ADAMTSL3: variants seen among roughly 807,000 people sequenced by gnomAD.
The protein encoded by ADAMTSL3 is ADAMTS like 3.
In ADAMTSL3, 128 loss-of-function variants were observed where a neutral mutation model predicts 201.7. The observed-to-expected ratio is 0.63, with a 90% confidence interval of 0.55 to 0.73. The LOEUF (loss-of-function observed/expected upper bound fraction) is 0.73. Ranked by LOEUF, ADAMTSL3 falls within the 30% of genes least tolerant of loss-of-function variation. The pLI, the probability that ADAMTSL3 is intolerant of heterozygous loss-of-function variation, is 0.00. For synonymous variants in ADAMTSL3, 738 were observed against 748.4 expected (o/e 0.99, Z 0.23); for missense variants, 1,990 against 2,119.6 (o/e 0.94, Z 1.20).
intron 17 of ADAMTSL3, among the ~76,000 whole-genome samples, chr15:83,938,530 A>T (rs1031417319): frequency 6.6e-6 from 1 of 152,194 alleles, no homozygotes; most frequent in Non-Finnish European, 1.5e-5. Context: ...TAAAGCTGTC[A>T]TTTTAAAAAA....
chr15:83,817,295 A>T (rs1165203362), intron 5 of ADAMTSL3, among the ~76,000 whole-genome samples: 1 of 152,264 alleles, frequency 6.6e-6, no homozygotes, highest in African/African-American at 2.4e-5. Flanking sequence ...CTGATAATTT[A>T]TCAATATCTA....
At chr15:83,801,675 T>TATATAG in intron 4 of ADAMTSL3, among the ~76,000 whole-genome samples, 1 of 59,904 alleles carries the variant, frequency 1.7e-5, no homozygotes, top group Non-Finnish European at 3.7e-5. Flanking sequence ...TATATATATA[T>TATATAG]ATATATATAT....
chr15:83,827,984 T>C (rs913852966), intron 6 of ADAMTSL3, among the ~76,000 whole-genome samples: 6 of 152,210 alleles, frequency 3.9e-5, no homozygotes, highest in Non-Finnish European at 1.5e-5. Context: ...TGGGTTAGGA[T>C]TGTCTTGGCA....
intron 23 of ADAMTSL3, among the ~76,000 whole-genome samples, chr15:83,993,937 T>C (rs1177247323): frequency 6.6e-6 from 1 of 152,258 alleles, no homozygotes; most frequent in Non-Finnish European, 1.5e-5. Flanking sequence ...AATTTTCTGT[T>C]GTGTATTACA....
chr15:84,017,386 A>G (rs568523245), intron 25 of ADAMTSL3, among the ~76,000 whole-genome samples: 52 of 152,264 alleles, frequency 3.4e-4, no homozygotes, highest in East Asian at 1.7e-3. Context: ...CAAAGTGCTG[A>G]GATTACAGGC....
chr15:83,738,574 A>G (rs900536208), intron 3 of ADAMTSL3, among the ~76,000 whole-genome samples: 1 of 152,156 alleles, frequency 6.6e-6, no homozygotes, highest in Non-Finnish European at 1.5e-5. Flanking sequence ...AAGTTGTTAA[A>G]TTTTATTAAA....
intron 19 of ADAMTSL3, among the ~76,000 whole-genome samples, chr15:83,962,947 CGTGAGGGACTGTGCT>C (rs1412442509): frequency 6.6e-6 from 1 of 152,132 alleles, no homozygotes; most frequent in Non-Finnish European, 1.5e-5. Context: ...CAAGGGAAGC[CGTGAGGGACTGTGCT>C]GTGAGGAATG....
At chr15:83,947,533 T>C (rs547438118) in intron 19 of ADAMTSL3, among the ~76,000 whole-genome samples, 1 of 152,360 alleles carries the variant, frequency 6.6e-6, no homozygotes, top group African/African-American at 2.4e-5. Context: ...ATTTCTGTGA[T>C]CCACATACCC....
Position 83,795,900 on chromosome 15 carries a change from A to G in ADAMTSL3, c.318-8750A>G, listed in dbSNP as rs114651523. 8.1e-3 allele frequency among the ~76,000 whole-genome samples: 1,226 copies of G among 152,254 alleles called. 18 individuals carry two copies. Among genetic ancestry groups the G allele is most frequent in the African/African-American group, 0.028 (1,153 of 41,544 alleles). On this transcript the variant is annotated intron_variant, in intron 4 of 29. Coordinates refer to ENST00000286744, the MANE Select transcript of ADAMTSL3 (RefSeq NM_207517.3). Reference sequence around the variant, plus strand: ...TGCTAATGACAAACTTGCAATCCTAAAATATGTAACACACAAGGAAATACT... The same window carrying G: ...TGCTAATGACAAACTTGCAATCCTAGAATATGTAACACACAAGGAAATACT...
intron 6 of ADAMTSL3, among the ~76,000 whole-genome samples, chr15:83,826,659 C>G (rs7176925): frequency 8.2e-6 from 1 of 122,082 alleles, no homozygotes; most frequent in Non-Finnish European, 1.8e-5. Context: ...ATCCCTCCCC[C>G]CTCCCCCCAC....
chr15:83,984,320 C>T (rs1029928480), intron 21 of ADAMTSL3, among the ~76,000 whole-genome samples: 1 of 152,142 alleles, frequency 6.6e-6, no homozygotes, highest in Non-Finnish European at 1.5e-5. Context: ...TTTATCATGT[C>T]CTTTGTGCAT....
At chr15:83,854,194 T>C (rs1381259439) in intron 7 of ADAMTSL3, among the ~76,000 whole-genome samples, 1 of 152,182 alleles carries the variant, frequency 6.6e-6, no homozygotes. Context: ...GGCTCACTCA[T>C]TGCATTTAGT....
chr15:83,769,412 A>G (rs1167218046), intron 3 of ADAMTSL3, among the ~76,000 whole-genome samples: 1 of 152,188 alleles, frequency 6.6e-6, no homozygotes, highest in African/African-American at 2.4e-5. Flanking sequence ...GTGAATTAAA[A>G]CTTTATTTTT....
At chr15:83,669,684 G>A (rs530180734) in intron 2 of ADAMTSL3, among the ~76,000 whole-genome samples, 1 of 151,284 alleles carries the variant, frequency 6.6e-6, no homozygotes, top group Admixed American at 6.6e-5. Flanking sequence ...TAGCCAGGAT[G>A]GTCTCAATCT....
chr15:83,779,737 A>G (rs1249063899), intron 4 of ADAMTSL3, among the ~76,000 whole-genome samples: 1 of 151,632 alleles, frequency 6.6e-6, no homozygotes, highest in Non-Finnish European at 1.5e-5. Flanking sequence ...AATCTCTCAG[A>G]CCACAGCACA....
At position 83,884,803 on chromosome 15, in the gene ADAMTSL3, A is replaced by G. The variant is rs74024591; in HGVS notation, c.961-298A>G. On this transcript the variant is annotated intron_variant, in intron 9 of 29. Coordinates refer to ENST00000286744, the MANE Select transcript of ADAMTSL3 (RefSeq NM_207517.3). ...AATCCAATGTTTCAGGAAGAAAGAC[A>G]GTGTGAAACGAACAAACAAAAAAGT... Among the ~76,000 whole-genome samples the G allele has an allele frequency of 9.8e-3, 1,494 of 152,316 alleles. 30 individuals carry two copies. Among genetic ancestry groups the G allele is most frequent in the African/African-American group, 0.034 (1,427 of 41,544 alleles).
intron 3 of ADAMTSL3, among the ~76,000 whole-genome samples, chr15:83,725,467 T>C (rs1262952163): frequency 6.6e-6 from 1 of 152,172 alleles, no homozygotes; most frequent in Admixed American, 6.5e-5. Flanking sequence ...AAGAAATCTT[T>C]GCCCAGTCCA....
chr15:83,833,523 C>G lies in ADAMTSL3; in HGVS notation c.601-4566C>G, dbSNP rs536887713. Among the ~76,000 whole-genome samples, 5 of 152,286 alleles carry G rather than the reference C, an allele frequency of 3.3e-5. No individual in the cohort carries two copies. The South Asian group carries it at 1.0e-3, about 32-fold the overall frequency. On this transcript the variant is annotated intron_variant, in intron 6 of 29. Transcript: ENST00000286744. ...TCTGCATATGAATTTTGGGTGTGGA[C>G]ACATTCAGTCTATAGCACATAGCTA... is the stretch of plus-strand genomic sequence containing the variant.
intron 23 of ADAMTSL3, among the ~76,000 whole-genome samples, chr15:84,005,406 C>T (rs2081171475): frequency 6.6e-6 from 1 of 152,206 alleles, no homozygotes; most frequent in African/African-American, 2.4e-5. Context: ...CCTCCTATCC[C>T]CTTTACTGGA....
Sources: allele counts gnomAD v4.1 joint callset (sites outside exome capture counted in the v4.1 genomes callset), GRCh38; gene constraint gnomAD v4.1.1; transcripts MANE v1.5; gene names NCBI Gene and HGNC (gene_info 2026-07-23, HGNC 2026-07-21).